The following CSMD1 variants were observed in gnomAD, a reference collection of about 807,000 sequenced individuals.
The protein encoded by CSMD1 is CUB and Sushi multiple domains 1, also known as CUB and sushi domain-containing protein 1.
In CSMD1, 213 loss-of-function variants were observed where a neutral mutation model predicts 417.5. The ratio of observed to expected loss-of-function variants is 0.51; its 90% CI spans 0.46 to 0.57. The LOEUF (loss-of-function observed/expected upper bound fraction) is 0.57. Among genes scored for constraint, CSMD1 ranks in the 20% least tolerant of loss-of-function variants. The probability of loss-of-function intolerance (pLI) is 0.00; values close to 1 mark genes in which losing one functional copy is unlikely to be tolerated. For synonymous variants in CSMD1, 2,862 were observed against 1,736.8 expected, an observed-to-expected ratio of 1.65 and a Z score of -16.11; for missense variants, 6,923 against 4,529.7, an observed-to-expected ratio of 1.53 and a Z score of -15.17.
At chr8:4,370,298 C>G (rs1802323333) in intron 3 of CSMD1, among the ~76,000 whole-genome samples, 1 of 151,980 alleles carries the variant, frequency 6.6e-6, no homozygotes, top group Non-Finnish European at 1.5e-5. Flanking sequence ...AAGGTTTGTG[C>G]TGAAATGTCT....
chr8:3,810,445 A>G (rs994739130), intron 5 of CSMD1, among the ~76,000 whole-genome samples: 3 of 152,164 alleles, frequency 2.0e-5, no homozygotes, highest in Admixed American at 6.5e-5. Flanking sequence ...CGAAGGGAGC[A>G]CGGGAGGACC....
intron 6 of CSMD1, among the ~76,000 whole-genome samples, chr8:3,709,110 T>C (rs1315057748): frequency 6.6e-6 from 1 of 151,924 alleles, no homozygotes; most frequent in Admixed American, 6.6e-5. Context: ...TAAATATGTT[T>C]CTTGATGTAC....
chr8:4,259,605 C>A (rs1204027907), intron 3 of CSMD1, among the ~76,000 whole-genome samples: 2 of 151,760 alleles, frequency 1.3e-5, no homozygotes, highest in African/African-American at 2.4e-5. Context: ...AAATAAACTT[C>A]AAAACTTTAC....
At chr8:4,718,215 G>A (rs895493115) in intron 1 of CSMD1, among the ~76,000 whole-genome samples, 2 of 152,152 alleles carry the variant, frequency 1.3e-5, no homozygotes, top group East Asian at 1.9e-4. Flanking sequence ...GGGCTTAAGT[G>A]ATTCTCCTGT....
chr8:3,968,723 G>A (rs931717664), intron 5 of CSMD1, among the ~76,000 whole-genome samples: 1 of 152,164 alleles, frequency 6.6e-6, no homozygotes, highest in African/African-American at 2.4e-5. Flanking sequence ...ATTATCTAAT[G>A]TGTAAATAGC....
At chr8:4,166,269 A>G (rs958176977) in intron 3 of CSMD1, among the ~76,000 whole-genome samples, 1 of 152,358 alleles carries the variant, frequency 6.6e-6, no homozygotes, top group African/African-American at 2.4e-5. Flanking sequence ...GATATAAAAT[A>G]CATAAACATA....
At chr8:4,872,912 T>G (rs764697850) in intron 1 of CSMD1, among the ~76,000 whole-genome samples, 1 of 152,086 alleles carries the variant, frequency 6.6e-6, no homozygotes, top group Admixed American at 6.5e-5. Flanking sequence ...TCTGAATTTT[T>G]TGACATATGT....
intron 12 of CSMD1, among the ~76,000 whole-genome samples, chr8:3,448,770 A>G (rs1815497798): frequency 6.6e-6 from 1 of 152,166 alleles, no homozygotes; most frequent in South Asian, 2.1e-4. Flanking sequence ...AAAGCTTTAG[A>G]CACTTCAGGC....
At chr8:4,911,195 T>C (rs1306932382) in intron 1 of CSMD1, among the ~76,000 whole-genome samples, 1 of 152,224 alleles carries the variant, frequency 6.6e-6, no homozygotes, top group South Asian at 2.1e-4. Context: ...CCAATGCACA[T>C]TAAAGATTTT....
intron 42 of CSMD1, among the ~76,000 whole-genome samples, chr8:3,116,815 A>C (rs1374905239): frequency 6.6e-6 from 1 of 152,122 alleles, no homozygotes; most frequent in Non-Finnish European, 1.5e-5. Context: ...CTTCACACCA[A>C]ACTTGCAAAT....
At chr8:4,550,264 G>A in intron 2 of CSMD1, among the ~76,000 whole-genome samples, 1 of 151,442 alleles carries the variant, frequency 6.6e-6, no homozygotes, top group Non-Finnish European at 1.5e-5. Flanking sequence ...CCATGGTTGT[G>A]GTTTCACGGC....
At chr8:3,709,742 C>T (rs1354964992) in intron 6 of CSMD1, among the ~76,000 whole-genome samples, 2 of 115,404 alleles carry the variant, frequency 1.7e-5, no homozygotes, top group Admixed American at 1.1e-4. Flanking sequence ...GGAGCTAAAA[C>T]ACCGGCTTTC....
chr8:4,129,638 G>T (rs1487024052), intron 3 of CSMD1, among the ~76,000 whole-genome samples: 1 of 151,968 alleles, frequency 6.6e-6, no homozygotes, highest in South Asian at 2.1e-4. Context: ...CTGGAAATTT[G>T]GTAGGATATT....
intron 2 of CSMD1, among the ~76,000 whole-genome samples, chr8:4,583,344 A>G (rs1363511774): frequency 2.6e-5 from 4 of 151,914 alleles, no homozygotes; most frequent in Non-Finnish European, 5.9e-5. Flanking sequence ...CAGGGATTGT[A>G]AATACACCAA....
intron 1 of CSMD1, among the ~76,000 whole-genome samples, chr8:4,688,351 T>C (rs1291524825): frequency 2.0e-5 from 3 of 152,190 alleles, no homozygotes; most frequent in African/African-American, 7.2e-5. Flanking sequence ...TAAAAAGCTG[T>C]AAGTGCCCAA....
At chr8:3,161,871 T>C (rs1006991626) in intron 38 of CSMD1, among the ~76,000 whole-genome samples, 1 of 152,166 alleles carries the variant, frequency 6.6e-6, no homozygotes, top group Non-Finnish European at 1.5e-5. Context: ...GAGACAGTGT[T>C]GATATTTTGC....
chr8:4,931,731 A>G (rs1415386824), intron 1 of CSMD1, among the ~76,000 whole-genome samples: 1 of 152,236 alleles, frequency 6.6e-6, no homozygotes, highest in African/African-American at 2.4e-5. Flanking sequence ...TCCCAGTACC[A>G]TCTCCTCACA....
chr8:3,155,833 A>G (rs1397225989), intron 39 of CSMD1, among the ~76,000 whole-genome samples: 1 of 152,232 alleles, frequency 6.6e-6, no homozygotes, highest in East Asian at 1.9e-4. Context: ...TAACATAAAC[A>G]GACGTTCTCT....
chr8:4,855,243 C>T (rs1408293516), intron 1 of CSMD1, among the ~76,000 whole-genome samples: 2 of 150,624 alleles, frequency 1.3e-5, no homozygotes, highest in African/African-American at 4.8e-5. Flanking sequence ...GAAAGGATAT[C>T]CACATCAAAA....
Sources: gnomAD v4.1 joint callset for allele counts (sites outside exome capture counted in the v4.1 genomes callset) on GRCh38, gnomAD v4.1.1 for gene constraint, MANE v1.5 for transcripts, NCBI Gene and HGNC (gene_info 2026-07-23, HGNC 2026-07-21) for gene names.